ARHGAP15: variants seen among roughly 807,000 people sequenced by gnomAD.
The protein encoded by ARHGAP15 is rho GTPase-activating protein 15.
Under a neutral mutation model 63.7 loss-of-function variants are expected in ARHGAP15, and 51 were observed. That is an observed-to-expected ratio of 0.80 (90% CI 0.64 to 1.01). ARHGAP15 has a LOEUF of 1.01. Ranked by LOEUF, ARHGAP15 falls within the 50% of genes least tolerant of loss-of-function variation. ARHGAP15 has a pLI of 0.00. For missense variants in ARHGAP15, 560 were observed against 564.6 expected, an observed-to-expected ratio of 0.99 and a Z score of 0.08; for synonymous variants, 191 against 193.8, an observed-to-expected ratio of 0.99 and a Z score of 0.12.
intron 6 of ARHGAP15, among the ~76,000 whole-genome samples, chr2:143,382,422 C>T (rs1226160573): frequency 6.6e-6 from 1 of 152,132 alleles, no homozygotes; most frequent in Non-Finnish European, 1.5e-5. Context: ...AAGCCTCTGC[C>T]TTTGCTGTCA....
At chr2:143,400,775 G>GA (rs1327535690) in intron 6 of ARHGAP15, among the ~76,000 whole-genome samples, 1 of 152,042 alleles carries the variant, frequency 6.6e-6, no homozygotes, top group Non-Finnish European at 1.5e-5. Context: ...ATATAGTAGA[G>GA]AAAATTGCAG....
intron 12 of ARHGAP15, among the ~76,000 whole-genome samples, chr2:143,654,707 C>T (rs1681343307): frequency 6.6e-6 from 1 of 152,132 alleles, no homozygotes; most frequent in Non-Finnish European, 1.5e-5. Context: ...AGTCTGAAAC[C>T]CAAGGGTTTT....
intron 12 of ARHGAP15, among the ~76,000 whole-genome samples, chr2:143,666,377 T>A (rs139747668): frequency 0.019 from 2,937 of 152,274 alleles, 42 homozygotes; most frequent in Non-Finnish European, 0.031. Flanking sequence ...TGTACAAAGC[T>A]GAAACTGTAT....
chr2:143,722,564 G>C lies in ARHGAP15; in HGVS notation c.1244+19040G>C, dbSNP rs201140819. Among the ~76,000 whole-genome samples the C allele has an allele frequency of 5.3e-5, 8 of 152,248 alleles. No homozygotes were observed. In the East Asian group the frequency reaches 1.5e-3, roughly 29 times the overall value. ...AAAAGTGTGCAATCGGAAGTCTAAGGTTTTGCCTTTGCAGTGCTACTAATG... is the reference window on the plus strand; with the variant it reads ...AAAAGTGTGCAATCGGAAGTCTAAGCTTTTGCCTTTGCAGTGCTACTAATG... On this transcript the variant is annotated intron_variant, in intron 13 of 13. Transcript: ENST00000295095.
At chr2:143,197,937 T>C (rs1040531882) in intron 2 of ARHGAP15, among the ~76,000 whole-genome samples, 1 of 151,328 alleles carries the variant, frequency 6.6e-6, no homozygotes, top group Non-Finnish European at 1.5e-5. Context: ...GCTCTCAACT[T>C]TGTAGTTCCC....
chr2:143,457,935 GT>G (rs1690739402), intron 8 of ARHGAP15, among the ~76,000 whole-genome samples: 1 of 151,712 alleles, frequency 6.6e-6, no homozygotes, highest in African/African-American at 2.4e-5. Context: ...AATATTTTAG[GT>G]TAACTAAACA....
chr2:143,451,701 T>G (rs987089980), intron 8 of ARHGAP15, among the ~76,000 whole-genome samples: 1 of 151,986 alleles, frequency 6.6e-6, no homozygotes, highest in Non-Finnish European at 1.5e-5. Flanking sequence ...GTTTCATATG[T>G]TAAGATGTGC....
At chr2:143,280,115 G>A (rs888402918) in intron 6 of ARHGAP15, among the ~76,000 whole-genome samples, 2 of 152,154 alleles carry the variant, frequency 1.3e-5, no homozygotes, top group African/African-American at 2.4e-5. Flanking sequence ...TTCTTTCAAA[G>A]CAAAAGCATA....
intron 6 of ARHGAP15, among the ~76,000 whole-genome samples, chr2:143,286,665 C>T (rs1036806312): frequency 6.6e-6 from 1 of 152,044 alleles, no homozygotes; most frequent in South Asian, 2.1e-4. Context: ...AGTAACTATA[C>T]AGGAATCAAA....
chr2:143,606,495 C>CT (rs1482905692), intron 11 of ARHGAP15, among the ~76,000 whole-genome samples: 2 of 152,158 alleles, frequency 1.3e-5, no homozygotes, highest in Non-Finnish European at 2.9e-5. Flanking sequence ...AGCTAATCGC[C>CT]TTTTTAACAC....
At chr2:143,656,094 G>A (rs148837123) in intron 12 of ARHGAP15, 4 of 152,238 alleles carry the variant, frequency 2.6e-5, no homozygotes, top group African/African-American at 9.6e-5. Flanking sequence ...TAGTTTCTTA[G>A]TTATTGTGCA....
chr2:143,259,162 C>T (rs1461658078), intron 6 of ARHGAP15, among the ~76,000 whole-genome samples: 3 of 152,082 alleles, frequency 2.0e-5, no homozygotes, highest in Non-Finnish European at 4.4e-5. Context: ...AGGTTACGAA[C>T]ATACTCTTTT....
intron 8 of ARHGAP15, among the ~76,000 whole-genome samples, chr2:143,445,945 TA>T (rs1436723452): frequency 6.6e-6 from 1 of 152,006 alleles, no homozygotes; most frequent in African/African-American, 2.4e-5. Flanking sequence ...AGCTTATTTG[TA>T]AAAATCCAGT....
intron 3 of ARHGAP15, among the ~76,000 whole-genome samples, chr2:143,205,581 A>T (rs566497729): frequency 6.6e-6 from 1 of 152,122 alleles, no homozygotes; most frequent in South Asian, 2.1e-4. Flanking sequence ...CTTGTGATAC[A>T]CAGGTCTATG....
At chr2:143,726,434 A>AG (rs1491431170) in intron 13 of ARHGAP15, among the ~76,000 whole-genome samples, 1 of 148,712 alleles carries the variant, frequency 6.7e-6, no homozygotes, top group African/African-American at 2.5e-5. Context: ...CAAAAAAAAA[A>AG]GAAAAAAAAA....
intron 6 of ARHGAP15, among the ~76,000 whole-genome samples, chr2:143,423,602 T>C (rs1043864858): frequency 6.6e-6 from 1 of 152,134 alleles, no homozygotes; most frequent in African/African-American, 2.4e-5. Context: ...TACCTCTTTT[T>C]TGACCTCTAG....
intron 11 of ARHGAP15, among the ~76,000 whole-genome samples, chr2:143,618,681 A>G (rs1317512497): frequency 6.6e-6 from 1 of 152,228 alleles, no homozygotes; most frequent in African/African-American, 2.4e-5. Context: ...TTACTCTTCT[A>G]TTCTGGATAG....
intron 6 of ARHGAP15, among the ~76,000 whole-genome samples, chr2:143,411,701 AAAACAG>A (rs2105024303): frequency 6.6e-6 from 1 of 152,368 alleles, no homozygotes; most frequent in Admixed American, 6.5e-5. Flanking sequence ...ATTGGTAACT[AAAACAG>A]AAAAAATATC....
At chr2:143,624,078 T>C in intron 11 of ARHGAP15, 55 bp from the exon 12 acceptor site, 1 of 1,594,146 alleles carries the variant, frequency 6.3e-7, no homozygotes, top group Non-Finnish European at 8.6e-7. Context: ...ATAATTAGTG[T>C]CTTGTAATTG....
Sources: gnomAD v4.1 joint callset for allele counts (sites outside exome capture counted in the v4.1 genomes callset) on GRCh38, gnomAD v4.1.1 for gene constraint, MANE v1.5 for transcripts, NCBI Gene and HGNC (gene_info 2026-07-23, HGNC 2026-07-21) for gene names.